The following EBF2 variants were observed in gnomAD, a reference collection of about 807,000 sequenced individuals.
The protein encoded by EBF2 is transcription factor COE2.
In EBF2, 21 loss-of-function variants were observed where a neutral mutation model predicts 72.8. The observed-to-expected ratio is 0.29, with a 90% CI of 0.20 to 0.42. The LOEUF (loss-of-function observed/expected upper bound fraction) is 0.42. Among genes scored for constraint, EBF2 ranks in the 10% least tolerant of loss-of-function variants. EBF2 has a pLI of 1.00. For synonymous variants in EBF2, 299 were observed against 274.2 expected, an observed-to-expected ratio of 1.09 and a Z score of -0.89; for missense variants, 637 against 731.2, an observed-to-expected ratio of 0.87 and a Z score of 1.49.
At chr8:26,007,025 C>G (rs1050075519) in intron 6 of EBF2, among the ~76,000 whole-genome samples, 11 of 152,308 alleles carry the variant, frequency 7.2e-5, no homozygotes, top group East Asian at 1.9e-4. Flanking sequence ...CCCTTCTAGA[C>G]AGCCACAGAA....
intron 10 of EBF2, among the ~76,000 whole-genome samples, chr8:25,869,575 G>T (rs189906085): frequency 2.6e-5 from 4 of 152,036 alleles, no homozygotes; most frequent in East Asian, 1.9e-4. Flanking sequence ...ATATTTTGGG[G>T]GTGGGGGCCG....
chr8:26,031,095 C>T (rs1805396026), intron 6 of EBF2, among the ~76,000 whole-genome samples: 1 of 152,142 alleles, frequency 6.6e-6, no homozygotes, highest in Non-Finnish European at 1.5e-5. Flanking sequence ...TACAGATTTG[C>T]AAACATTTCT....
rs375013053 is a variant in EBF2 at position 25,991,717 on chromosome 8, G to A, written c.551+41368C>T. Among the ~76,000 whole-genome samples, 67 of 152,204 alleles carry A rather than the reference G, an allele frequency of 4.4e-4. 1 individual carries two copies. In the East Asian group the frequency reaches 6.8e-3, roughly 15 times the overall value. On this transcript the variant is annotated intron_variant, in intron 6 of 15. Transcript: ENST00000520164. ...AAAAATTAGCCACGCATGGTGGCGG[G>A]CACCTGTAATCTCAGCTACTTGGGA...
chr8:25,892,020 G>A (rs903577464), intron 7 of EBF2, among the ~76,000 whole-genome samples: 22 of 152,104 alleles, frequency 1.4e-4, no homozygotes, highest in Admixed American at 9.8e-4. Flanking sequence ...TCAAAATATC[G>A]CCATTCTCAT....
intron 6 of EBF2, among the ~76,000 whole-genome samples, chr8:25,999,488 A>AT (rs1328868854): frequency 2.4e-4 from 36 of 151,840 alleles, no homozygotes; most frequent in Non-Finnish European, 3.8e-4. Context: ...AGAACTTGCA[A>AT]TTTTTTTTCC....
At chr8:26,010,058 A>G (rs1403961608) in intron 6 of EBF2, among the ~76,000 whole-genome samples, 5 of 152,192 alleles carry the variant, frequency 3.3e-5, no homozygotes, top group Non-Finnish European at 7.3e-5. Flanking sequence ...TGTCATGGAG[A>G]TAGGCCACAC....
At chr8:25,865,003 A>G (rs1258666787) in intron 10 of EBF2, among the ~76,000 whole-genome samples, 1 of 151,862 alleles carries the variant, frequency 6.6e-6, no homozygotes, top group Non-Finnish European at 1.5e-5. Context: ...GGGTTTCACC[A>G]TGTTGATCAG....
intron 7 of EBF2, among the ~76,000 whole-genome samples, chr8:25,903,372 T>G (rs1278999215): frequency 6.6e-6 from 1 of 152,012 alleles, no homozygotes; most frequent in Non-Finnish European, 1.5e-5. Context: ...GCATTCATGC[T>G]GAGGACGGGT....
At chr8:26,022,274 G>A (rs571054034) in intron 6 of EBF2, among the ~76,000 whole-genome samples, 2 of 152,284 alleles carry the variant, frequency 1.3e-5, no homozygotes, top group South Asian at 2.1e-4. Context: ...ATCTTCAATT[G>A]GGTTTCTGCT....
rs576846724 is a variant in EBF2, at chr8:25,860,565, C to T, written c.1342+484G>A. Reference sequence around the variant, plus strand: ...CACTGTCACACTGCACAGGCAGCCTCGGCTCATTTGCAGTGTGCCAGCGCA... The same window carrying T: ...CACTGTCACACTGCACAGGCAGCCTTGGCTCATTTGCAGTGTGCCAGCGCA... On this transcript the variant is annotated intron_variant, in intron 13 of 15. Coordinates refer to ENST00000520164, the MANE Select transcript of EBF2 (RefSeq NM_022659.4). Among the ~76,000 whole-genome samples the T allele has an allele frequency of 2.2e-4, 33 of 151,668 alleles. No individual in the cohort carries two copies. In the South Asian group the frequency reaches 4.8e-3, roughly 22 times the overall value.
chr8:26,012,323 T>C (rs1167988822), intron 6 of EBF2, among the ~76,000 whole-genome samples: 1 of 152,186 alleles, frequency 6.6e-6, no homozygotes, highest in African/African-American at 2.4e-5. Flanking sequence ...AACATCGAAA[T>C]AAATGTCCTT....
In EBF2 at chr8:25,969,615, T is replaced by C. The variant is rs573782832; in HGVS notation, c.552-61060A>G. Among the ~76,000 whole-genome samples the C allele has an allele frequency of 2.6e-5, 4 of 152,330 alleles. No individual in the cohort carries two copies. In the East Asian group the frequency reaches 7.7e-4, roughly 29 times the overall value. On this transcript the variant is annotated intron_variant, in intron 6 of 15. Transcript: ENST00000520164. The stretch of plus-strand genomic sequence containing the variant: ...AGCGTGTTTACTTCACTAGAGCCCA[T>C]CTTAGGGCATAGTAAATTTATCGTT...
Position 26,040,683 on chromosome 8 carries a change from G to A in EBF2, c.353-12C>T, listed in dbSNP as rs747411073. On this transcript the variant is annotated splice_polypyrimidine_tract_variant and intron_variant, in intron 3 of 15. Transcript: ENST00000520164. ...TTCCGTGCGGACACCTGCGGGGACC[G>A]GAGGGGCACGAGTCAAGGGCCGTAG... is the stretch of plus-strand genomic sequence containing the variant. The A allele has an allele frequency of 2.7e-5, 42 of 1,554,022 alleles. No homozygotes were observed. The highest frequency in any genetic ancestry group is 4.7e-5 in the South Asian group (4 of 84,222).
chr8:25,899,033 T>C (rs11987794), intron 7 of EBF2, among the ~76,000 whole-genome samples: 4,568 of 152,236 alleles, frequency 0.03, 97 homozygotes, highest in Middle Eastern at 0.054. Context: ...CACCTTATAC[T>C]TTTACAAAGA....
At position 25,980,787 on chromosome 8, in the gene EBF2, C is replaced by CAA. The variant is rs34271943; in HGVS notation, c.551+52296_551+52297dup. 2.6e-3 allele frequency among the ~76,000 whole-genome samples: 177 copies of CAA among 67,148 alleles called. 8 individuals are homozygous for CAA. The highest frequency in any genetic ancestry group is 8.7e-3 in the African/African-American group (126 of 14,490). The allele number at this position is 67,148 out of a possible 152,430, so 44.1% of individuals were successfully genotyped here. On this transcript the variant is annotated intron_variant, in intron 6 of 15. Coordinates refer to ENST00000520164, the MANE Select transcript of EBF2 (RefSeq NM_022659.4). ...GCCTAATGACACTGGGAGGCCACCA[C>CAA]AAAAAAAAAAAAAAAAAAAAAAAAA...
intron 10 of EBF2, among the ~76,000 whole-genome samples, chr8:25,868,074 G>A (rs2117270195): frequency 6.6e-6 from 1 of 152,242 alleles, no homozygotes; most frequent in African/African-American, 2.4e-5. Flanking sequence ...GTAACATTAA[G>A]TACTTATCTT....
At chr8:25,928,962 T>G (rs1196946182) in intron 6 of EBF2, among the ~76,000 whole-genome samples, 1 of 152,128 alleles carries the variant, frequency 6.6e-6, no homozygotes, top group Non-Finnish European at 1.5e-5. Context: ...CAAAATCTCA[T>G]GTATTAAGTG....
chr8:25,994,077 A>C (rs2117212834), intron 6 of EBF2, among the ~76,000 whole-genome samples: 1 of 152,262 alleles, frequency 6.6e-6, no homozygotes. Context: ...AAATAAAGAA[A>C]AATTAAAAGC....
intron 6 of EBF2, among the ~76,000 whole-genome samples, chr8:26,002,928 A>AGGCG (rs1172876466): frequency 9.9e-5 from 1 of 10,098 alleles, no homozygotes; most frequent in Non-Finnish European, 3.4e-4. Flanking sequence ...GCAGGCGGGC[A>AGGCG]GGCAGGCAGG....
Sources: gnomAD v4.1 joint callset for allele counts (sites outside exome capture counted in the v4.1 genomes callset) on GRCh38, gnomAD v4.1.1 for gene constraint, MANE v1.5 for transcripts, NCBI Gene and HGNC (gene_info 2026-07-23, HGNC 2026-07-21) for gene names.